The following API5 variants were observed in gnomAD, a reference collection of about 807,000 sequenced individuals.
The protein encoded by API5 is apoptosis inhibitor 5.
A neutral mutation model predicts 71.9 loss-of-function variants in API5; 6 were observed. The ratio of observed to expected loss-of-function variants is 0.08; its 90% CI spans 0.05 to 0.16. The LOEUF is 0.16. Among genes scored for constraint, API5 ranks in the 10% least tolerant of loss-of-function variants. API5 has a pLI of 1.00. For synonymous variants in API5, 189 were observed against 221.3 expected (o/e 0.85, Z 1.30); for missense variants, 332 against 612.8 (o/e 0.54, Z 4.84).
chr11:43,324,863 G>A (rs1052644580), intron 6 of API5, among the ~76,000 whole-genome samples: 1 of 151,908 alleles, frequency 6.6e-6, no homozygotes, highest in African/African-American at 2.4e-5. Flanking sequence ...ATTTTTAGTA[G>A]GGATGGGGTT....
At chr11:43,317,714 G>A (rs1854719358) in intron 1 of API5, among the ~76,000 whole-genome samples, 1 of 152,186 alleles carries the variant, frequency 6.6e-6, no homozygotes, top group Admixed American at 6.5e-5. Flanking sequence ...GTCTCATTCT[G>A]TCACCCAATC....
At chr11:43,320,042 CT>C (rs368783012) in intron 2 of API5, among the ~76,000 whole-genome samples, 1,203 of 120,122 alleles carry the variant, frequency 0.01, 6 homozygotes, top group Middle Eastern at 0.018. Flanking sequence ...CAAATTCTCT[CT>C]TTTTTTTTTT....
intron 1 of API5, among the ~76,000 whole-genome samples, chr11:43,312,963 C>G (rs547698946): frequency 2.6e-5 from 4 of 151,908 alleles, no homozygotes; most frequent in Admixed American, 2.6e-4. Context: ...AAAAATTAGC[C>G]GGGCGTGGTG....
chr11:43,328,237 G>A (rs568658658), intron 8 of API5, among the ~76,000 whole-genome samples: 2 of 152,310 alleles, frequency 1.3e-5, no homozygotes, highest in African/African-American at 4.8e-5. Context: ...TTATAGCACT[G>A]ATACTGAATG....
chr11:43,324,711 T>A (rs1288990444), intron 6 of API5, among the ~76,000 whole-genome samples: 2 of 152,072 alleles, frequency 1.3e-5, no homozygotes, highest in East Asian at 3.9e-4. Context: ...AGAGTCTCGC[T>A]CCATCCCCCA....
intron 13 of API5, among the ~76,000 whole-genome samples, chr11:43,337,742 A>G (rs1286927838): frequency 1.3e-5 from 2 of 152,192 alleles, no homozygotes; most frequent in African/African-American, 4.8e-5. Flanking sequence ...CTTAAAATCA[A>G]AAGTTATCTC....
At chr11:43,324,417 T>G (rs560705989) in intron 6 of API5, among the ~76,000 whole-genome samples, 5 of 152,242 alleles carry the variant, frequency 3.3e-5, no homozygotes, top group African/African-American at 1.2e-4. Flanking sequence ...ATGCATCTTC[T>G]GGGATGTGCA....
rs1565104183 is a variant in API5 at position 43,323,684 on chromosome 11, C to T, written c.750+48C>T. ...CCCGGTATTAGCTATATATATATTT[C>T]CATAAATACTCACTTTAACATTCCC... On this transcript the variant is annotated intron_variant, in intron 6 of 13. Coordinates refer to ENST00000531273, the MANE Select transcript of API5 (RefSeq NM_001142930.2). 4 of 1,536,506 alleles carry T rather than the reference C, an allele frequency of 2.6e-6. No homozygotes were observed. In the Admixed American group the frequency reaches 6.9e-5, roughly 26 times the overall value.
In API5 at chr11:43,322,046, A is replaced by G. The variant is rs1437499107; in HGVS notation, c.453A>G (p.Ala151=). ...LQGEDIVRER[A]IKFLSTKLKT... Reference sequence around the variant, plus strand: ...GAGAGGACATTGTTAGAGAACGAGCAATTAAATTCCTTTCTACAAAACTTA... The same window carrying G: ...GAGAGGACATTGTTAGAGAACGAGCGATTAAATTCCTTTCTACAAAACTTA... Residue 151 remains alanine, a synonymous_variant, in exon 5 of 14, where the codon GCA becomes GCG. Transcript: ENST00000531273. 7 of 1,613,786 alleles carry G rather than the reference A, an allele frequency of 4.3e-6. No homozygotes were observed. The highest frequency in any genetic ancestry group is 2.2e-5 in the East Asian group (1 of 44,820).
At chr11:43,313,408 T>G (rs1854558504) in intron 1 of API5, among the ~76,000 whole-genome samples, 1 of 152,196 alleles carries the variant, frequency 6.6e-6, no homozygotes, top group African/African-American at 2.4e-5. Flanking sequence ...GTAACCTTGA[T>G]CATTGTTTTA....
intron 6 of API5, among the ~76,000 whole-genome samples, chr11:43,324,315 G>A (rs888585636): frequency 3.9e-5 from 6 of 152,164 alleles, no homozygotes; most frequent in Admixed American, 3.9e-4. Flanking sequence ...ACCATGAGTG[G>A]CCAATAAATT....
chr11:43,335,495 A>G (rs904551988), intron 12 of API5, 141 bp downstream of exon 12: 3 of 592,456 alleles, frequency 5.1e-6, no homozygotes, highest in Non-Finnish European at 8.5e-6. Flanking sequence ...TAAAATGTAA[A>G]ATCTAATTTC....
chr11:43,317,781 G>T (rs75930506), intron 1 of API5, among the ~76,000 whole-genome samples: 1 of 151,932 alleles, frequency 6.6e-6, no homozygotes, highest in Non-Finnish European at 1.5e-5. Flanking sequence ...GGGTTCAAGC[G>T]ATTCTCCTGC....
In API5 at chr11:43,344,153, G is replaced by A. The variant is rs1443905672; in HGVS notation, c.*1643G>A. 2.6e-5 allele frequency: 4 copies of A among 152,596 alleles called. No homozygotes were observed. Among genetic ancestry groups the A allele is most frequent in the African/African-American group, 4.8e-5 (2 of 41,426 alleles). 9.5% of individuals were successfully genotyped at this position (152,596 alleles called of 1,614,324 possible). A position where few individuals can be genotyped will look rare whatever the true frequency, so the allele number is the denominator to read the frequency against. On this transcript the variant is annotated 3_prime_UTR_variant, in exon 14 of 14. Coordinates refer to ENST00000531273, the MANE Select transcript of API5 (RefSeq NM_001142930.2). ...ATTTGAAAACTGACCAGCTAATCTG[G>A]ACCTCAGAGATAGATCAGCCAGTGG...
chr11:43,330,409 A>T (rs1855213481), intron 10 of API5, 99 bp from the exon 11 acceptor site: 2 of 890,558 alleles, frequency 2.2e-6, no homozygotes, highest in Non-Finnish European at 3.7e-6. Context: ...TGTAGAGGTG[A>T]TTCTGATAGA....
intron 12 of API5, among the ~76,000 whole-genome samples, chr11:43,335,595 AG>A (rs1855406050): frequency 6.6e-6 from 1 of 152,168 alleles, no homozygotes; most frequent in South Asian, 2.1e-4. Flanking sequence ...TTTTTCTGAC[AG>A]GTTTTGTAAA....
intron 8 of API5, among the ~76,000 whole-genome samples, chr11:43,328,413 G>A (rs1324059206): frequency 6.6e-6 from 1 of 152,140 alleles, no homozygotes; most frequent in Non-Finnish European, 1.5e-5. Flanking sequence ...TGTTACCATG[G>A]GAAGGTTACC....
At chr11:43,329,018 G>T (rs952306680) in intron 9 of API5, 125 bp downstream of exon 9, 19 of 975,328 alleles carry the variant, frequency 1.9e-5, no homozygotes, top group Non-Finnish European at 2.0e-5. Context: ...CAGATTGGAG[G>T]GTTCAGAAAA....
chr11:43,321,392 C>T lies in API5; in HGVS notation c.326-19C>T. On this transcript the variant is annotated intron_variant, in intron 3 of 13. Transcript: ENST00000531273. ...TTAAATTTGTTTTATATTCATTATG[C>T]CACTTTTTCTTTATCCAGATGACTC... 1 of 1,589,556 alleles carries T rather than the reference C, an allele frequency of 6.3e-7. No homozygotes were observed. The highest frequency in any genetic ancestry group is 8.6e-7 in the Non-Finnish European group (1 of 1,163,752).
Sources: gnomAD v4.1 joint callset for allele counts (sites outside exome capture counted in the v4.1 genomes callset) on GRCh38, gnomAD v4.1.1 for gene constraint, MANE v1.5 for transcripts, NCBI Gene and HGNC (gene_info 2026-07-23, HGNC 2026-07-21) for gene names.